The following GPR19 variants were observed in gnomAD, a reference collection of about 807,000 sequenced individuals.
The protein encoded by GPR19 is G protein-coupled receptor 19, also known as probable G protein-coupled receptor 19.
Under a neutral mutation model 28.5 loss-of-function variants are expected in GPR19, and 14 were observed. The observed-to-expected ratio is 0.49, with a 90% CI of 0.32 to 0.77. The LOEUF (loss-of-function observed/expected upper bound fraction) is 0.77, where lower values mean the gene tolerates loss of function less well. Ranked by LOEUF, GPR19 falls within the 30% of genes least tolerant of loss-of-function variation. The pLI, the probability that GPR19 is intolerant of heterozygous loss-of-function variation, is 0.03. For missense variants in GPR19, 409 were observed against 504.1 expected, an observed-to-expected ratio of 0.81 and a Z score of 1.81; for synonymous variants, 173 against 184.1, an observed-to-expected ratio of 0.94 and a Z score of 0.49.
chr12:12,661,621 CT>C lies in GPR19; in HGVS notation c.827del (p.Lys276ArgfsTer6), dbSNP rs762371531. 1 of 1,614,022 alleles carries C rather than the reference CT, an allele frequency of 6.2e-7. No homozygotes were observed. The highest frequency in any genetic ancestry group is 1.7e-5 in the Admixed American group (1 of 60,002). On this transcript the variant is annotated frameshift_variant, in exon 4 of 4. Coordinates refer to ENST00000651487, the MANE Select transcript of GPR19 (RefSeq NM_006143.3). LOFTEE classifies it high-confidence loss of function. The surrounding 1 kb of genome is among the most constrained non-coding windows in gnomAD (Gnocchi z 4.2). ...ACAACAGATTTAAAATGAGGAACAT[CT>C]TGATAGTTTTCACTTTTGTCCGAGG... Reference protein sequence around the residue: ...IVPRTKVKTIKMFLILNLLFL... With the variant: ...IVPRTKVKTIXMFLILNLLFL...
chr12:12,711,871 C>G, the GPR19 span, among the ~76,000 whole-genome samples: 4 of 152,310 alleles, frequency 2.6e-5, no homozygotes, highest in East Asian at 1.9e-4. Context: ...AAGTAACCAC[C>G]CTGCATTTGT....
chr12:12,687,130 C>T (rs1472902253), intron 2 of GPR19, among the ~76,000 whole-genome samples: 1 of 152,186 alleles, frequency 6.6e-6, no homozygotes, highest in African/African-American at 2.4e-5. Flanking sequence ...GTAATGTGAT[C>T]TTCTCATCTG....
chr12:12,680,238 C>A (rs1328190000), intron 3 of GPR19, among the ~76,000 whole-genome samples: 1 of 152,164 alleles, frequency 6.6e-6, no homozygotes, highest in African/African-American at 2.4e-5. Flanking sequence ...ATTAAAAAGA[C>A]CTGGATTCAG....
chr12:12,696,386 T>G (rs1179535909), upstream of GPR19, among the ~76,000 whole-genome samples: 297 of 123,876 alleles, frequency 2.4e-3, no homozygotes, highest in African/African-American at 7.8e-3. Context: ...GCTGCCCCAG[T>G]GGATTAGGAT....
At chr12:12,711,474 A>G in the GPR19 span, among the ~76,000 whole-genome samples, 1 of 151,926 alleles carries the variant, frequency 6.6e-6, no homozygotes, top group Non-Finnish European at 1.5e-5. Flanking sequence ...GGGTCACATG[A>G]CAGGTTCTAT....
intron 2 of GPR19, among the ~76,000 whole-genome samples, chr12:12,690,553 TTCTC>T (rs1946166861): frequency 6.6e-6 from 1 of 152,196 alleles, no homozygotes; most frequent in East Asian, 1.9e-4. Context: ...CTGCCTCCAA[TTCTC>T]TCTGTTTCTT....
At chr12:12,672,218 C>T (rs986299322) in intron 3 of GPR19, among the ~76,000 whole-genome samples, 2 of 152,170 alleles carry the variant, frequency 1.3e-5, no homozygotes, top group Admixed American at 6.6e-5. Context: ...TCCTTGTAAA[C>T]AATGTTGCAT....
chr12:12,662,793 G>A (rs1488901277), intron 3 of GPR19, among the ~76,000 whole-genome samples: 1 of 152,166 alleles, frequency 6.6e-6, no homozygotes, highest in Non-Finnish European at 1.5e-5. Context: ...AGAATATTAG[G>A]GATCTCAAAT....
chr12:12,711,367 G>A, the GPR19 span, among the ~76,000 whole-genome samples: 2 of 151,918 alleles, frequency 1.3e-5, no homozygotes, highest in Admixed American at 6.6e-5. Context: ...CAAGTTGAAG[G>A]TGGCTCTGTC....
chr12:12,660,982 A>C lies in GPR19; in HGVS notation c.*219T>G, dbSNP rs1456901746. ...TGCATGTAACTAATATATTAATAGT[A>C]AAAGGACTGTTGGCTAAAGTTCAAA... is the stretch of plus-strand genomic sequence containing the variant. On this transcript the variant is annotated 3_prime_UTR_variant, in exon 4 of 4. Transcript: ENST00000651487. 4.2e-6 allele frequency: 2 copies of C among 475,062 alleles called. No individual in the cohort carries two copies. Among genetic ancestry groups the C allele is most frequent in the Non-Finnish European group, 7.4e-6 (2 of 271,732 alleles). The allele number at this position is 475,062 out of a possible 1,614,324, so 29.4% of individuals were successfully genotyped here. A position where few individuals can be genotyped will look rare whatever the true frequency, so the allele number is the denominator to read the frequency against.
At chr12:12,709,961 C>T in the GPR19 span, among the ~76,000 whole-genome samples, 327 of 152,250 alleles carry the variant, frequency 2.1e-3, 1 homozygote, top group African/African-American at 7.1e-3. Context: ...GCTGTCCCCC[C>T]AGCAGAGGTT....
At chr12:12,692,497 T>C (rs1452677805) in intron 2 of GPR19, among the ~76,000 whole-genome samples, 2 of 152,012 alleles carry the variant, frequency 1.3e-5, no homozygotes, top group East Asian at 3.9e-4. Context: ...TCTCCCAAAG[T>C]GCTAGGATTA....
chr12:12,713,900 C>T, the GPR19 span, among the ~76,000 whole-genome samples: 1 of 152,348 alleles, frequency 6.6e-6, no homozygotes, highest in African/African-American at 2.4e-5. Flanking sequence ...GAAACACTTC[C>T]TTTTCCCTCT....
At chr12:12,665,795 G>A (rs964062193) in intron 3 of GPR19, among the ~76,000 whole-genome samples, 3 of 129,902 alleles carry the variant, frequency 2.3e-5, no homozygotes, top group African/African-American at 9.2e-5. Context: ...CGAGCAGCCT[G>A]GGGCACAAAG....
intron 3 of GPR19, among the ~76,000 whole-genome samples, chr12:12,676,027 T>C (rs1329708484): frequency 1.3e-5 from 2 of 152,248 alleles, no homozygotes; most frequent in Non-Finnish European, 2.9e-5. Context: ...GCATTTCTTA[T>C]ATAATTTAAT....
At chr12:12,671,258 A>T (rs1001441924) in intron 3 of GPR19, among the ~76,000 whole-genome samples, 1 of 151,516 alleles carries the variant, frequency 6.6e-6, no homozygotes, top group Non-Finnish European at 1.5e-5. Flanking sequence ...GTGAGCTGAG[A>T]TTACACCACT....
chr12:12,667,771 T>A (rs1945804097), intron 3 of GPR19, among the ~76,000 whole-genome samples: 1 of 151,782 alleles, frequency 6.6e-6, no homozygotes, highest in Non-Finnish European at 1.5e-5. Context: ...GGGAGGAGAA[T>A]GTACCCTATC....
rs1945688111 is a variant in GPR19, at chr12:12,662,257, T to C, written c.192A>G (p.Glu64=). The C allele has an allele frequency of 6.2e-7, 1 of 1,612,814 alleles. No homozygotes were observed. The highest frequency in any genetic ancestry group is 1.1e-5 in the South Asian group (1 of 91,040). ...CAAAGAAGATGCTGGCTGTGGCCAC[T>C]TCCCCGGGTTTCAGCACATAGTGAA... ...TDLHYVLKPG[E]VATASIFFGI... The change falls in exon 4 of 4, where the codon GAA becomes GAG. Residue 64 remains glutamate (E), a synonymous_variant. Transcript: ENST00000651487.
At chr12:12,694,398 G>T (rs1168223717) in intron 2 of GPR19, among the ~76,000 whole-genome samples, 1 of 150,794 alleles carries the variant, frequency 6.6e-6, no homozygotes, top group Non-Finnish European at 1.5e-5. Flanking sequence ...AGTAGAGACG[G>T]GGTTTCACCG....
Sources: allele counts gnomAD v4.1 joint callset (sites outside exome capture counted in the v4.1 genomes callset), GRCh38; gene constraint gnomAD v4.1.1; non-coding constraint Gnocchi (gnomAD v3.1); transcripts MANE v1.5; gene names NCBI Gene and HGNC (gene_info 2026-07-23, HGNC 2026-07-21).